PUDP: variants seen among roughly 807,000 people sequenced by gnomAD.
PUDP encodes pseudouridine 5'-phosphatase.
PUDP carries 8 observed loss-of-function variants against 9.4 expected under a neutral mutation model. The observed-to-expected ratio is 0.85, with a 90% CI of 0.50 to 1.53. PUDP has a LOEUF of 1.53. PUDP is among the 40% of genes most tolerant of loss of function. The pLI, the probability that PUDP is intolerant of heterozygous loss-of-function variation, is 0.00. For missense variants in PUDP, 188 were observed against 189.7 expected (o/e 0.99, Z 0.05); for synonymous variants, 99 against 80.7 (o/e 1.23, Z -1.22).
chrX:7,020,782 T>A (rs1229275188), intron 1 of PUDP, among the ~76,000 whole-genome samples: 1 of 112,869 alleles, frequency 8.9e-6, no homozygotes, highest in East Asian at 2.8e-4. Flanking sequence ...AACATCAGCC[T>A]CATGGCTGGC....
At chrX:6,853,453 G>GTT (rs72551708) in intron 3 of PUDP, among the ~76,000 whole-genome samples, 2,177 of 99,722 alleles carry the variant, frequency 0.022, 60 homozygotes, top group African/African-American at 0.072. Flanking sequence ...TTTTGTGTGT[G>GTT]TTTTTTTTTT....
At chrX:6,989,463 C>A in intron 1 of PUDP, 1 of 161,455 alleles carries the variant, frequency 6.2e-6, no homozygotes, top group South Asian at 1.3e-4. Flanking sequence ...TCTTCGCTGT[C>A]AAGCAACTGG....
intron 1 of PUDP, among the ~76,000 whole-genome samples, chrX:7,106,299 C>T (rs2146898961): frequency 8.9e-6 from 1 of 112,126 alleles, no homozygotes; most frequent in Non-Finnish European, 1.9e-5. Flanking sequence ...CCATGCCTGG[C>T]CAGGATGCTG....
intron 1 of PUDP, among the ~76,000 whole-genome samples, chrX:7,004,469 A>G (rs750800455): frequency 5.1e-4 from 57 of 111,940 alleles, no homozygotes; most frequent in Admixed American, 4.9e-3. Context: ...CGTGGCTTAC[A>G]AAGACTGATA....
chrX:6,733,770 C>CTT (rs3046297), intron 3 of PUDP, among the ~76,000 whole-genome samples: 735 of 46,193 alleles, frequency 0.016, 31 homozygotes, highest in African/African-American at 0.038. Flanking sequence ...AAAGCAAAGC[C>CTT]TTTTTTTTTT....
intron 3 of PUDP, among the ~76,000 whole-genome samples, chrX:6,764,206 T>C (rs1381970600): frequency 2.7e-5 from 3 of 111,518 alleles, no homozygotes; most frequent in Non-Finnish European, 5.6e-5. Context: ...GAGAATCAGA[T>C]TGATGGGACT....
intron 3 of PUDP, among the ~76,000 whole-genome samples, chrX:6,841,295 T>G: frequency 9.2e-6 from 1 of 108,253 alleles, no homozygotes; most frequent in South Asian, 4.1e-4. Context: ...AAAATGCATT[T>G]GAATAAAATA....
At chrX:6,749,409 TGATTTGAA>T (rs1569091440) in intron 3 of PUDP, among the ~76,000 whole-genome samples, 1 of 111,181 alleles carries the variant, frequency 9.0e-6, no homozygotes, top group South Asian at 3.9e-4. Context: ...GGGACTGAGC[TGATTTGAA>T]GAAAGAAGAA....
chrX:6,957,242 C>T (rs776210967), intron 3 of PUDP, among the ~76,000 whole-genome samples: 2 of 110,859 alleles, frequency 1.8e-5, no homozygotes, highest in Non-Finnish European at 3.8e-5. Flanking sequence ...CCTGGAAGTT[C>T]AGGCATTGGA....
At chrX:6,720,262 A>G (rs866454311) in intron 1 of PUDP, among the ~76,000 whole-genome samples, 47 of 79,866 alleles carry the variant, frequency 5.9e-4, no homozygotes, top group African/African-American at 2.3e-3. Context: ...GTGTGTGTAT[A>G]TATATATATA....
chrX:6,847,220 C>T (rs1360990845), intron 3 of PUDP, among the ~76,000 whole-genome samples: 2 of 111,121 alleles, frequency 1.8e-5, no homozygotes, highest in Non-Finnish European at 3.8e-5. Context: ...GGCAGGTTGT[C>T]AGGAATTGAC....
At chrX:6,920,333 T>A (rs1928003068) in intron 3 of PUDP, among the ~76,000 whole-genome samples, 1 of 111,245 alleles carries the variant, frequency 9.0e-6, no homozygotes, top group South Asian at 3.8e-4. Context: ...CTGATCCTCA[T>A]CTCTCACTCT....
At chrX:6,752,150 C>T (rs1925100918) in intron 3 of PUDP, among the ~76,000 whole-genome samples, 1 of 111,673 alleles carries the variant, frequency 9.0e-6, no homozygotes, top group Non-Finnish European at 1.9e-5. Flanking sequence ...CATTTAAACC[C>T]CATATCACTT....
chrX:6,785,617 A>AC (rs112379099), intron 3 of PUDP, among the ~76,000 whole-genome samples: 14 of 110,288 alleles, frequency 1.3e-4, no homozygotes, highest in African/African-American at 4.6e-4. Context: ...AAAAAAAAAA[A>AC]CACTTTAATT....
chrX:7,146,745 T>G (rs1932867757), intron 1 of PUDP, among the ~76,000 whole-genome samples: 1 of 111,151 alleles, frequency 9.0e-6, no homozygotes, highest in Non-Finnish European at 1.9e-5. Flanking sequence ...TCATTTATAT[T>G]TAGAACTGGA....
chrX:7,066,406 A>G (rs935054065), intron 3 of PUDP, among the ~76,000 whole-genome samples: 1 of 111,103 alleles, frequency 9.0e-6, no homozygotes, highest in South Asian at 3.9e-4. Context: ...GTAGAGGACA[A>G]TTTTTCCTAG....
chrX:7,012,189 T>C (rs1929486377), intron 1 of PUDP, among the ~76,000 whole-genome samples: 1 of 112,024 alleles, frequency 8.9e-6, no homozygotes, highest in African/African-American at 3.3e-5. Flanking sequence ...GTTTCCTTTG[T>C]GAGAAAATGG....
chrX:6,772,697 G>A (rs374069318), intron 3 of PUDP, among the ~76,000 whole-genome samples: 6 of 108,782 alleles, frequency 5.5e-5, no homozygotes, highest in African/African-American at 2.0e-4. Flanking sequence ...TTGGGAGGCC[G>A]AGGTGGGTAG....
At chrX:7,007,497 C>T (rs1414264623) in intron 1 of PUDP, among the ~76,000 whole-genome samples, 2 of 112,685 alleles carry the variant, frequency 1.8e-5, no homozygotes, top group African/African-American at 6.5e-5. Flanking sequence ...GTCTGACACA[C>T]ACACAGAGTG....
Sources: allele counts gnomAD v4.1 joint callset (sites outside exome capture counted in the v4.1 genomes callset), GRCh38; gene constraint gnomAD v4.1.1; transcripts MANE v1.5; gene names NCBI Gene and HGNC (gene_info 2026-07-23, HGNC 2026-07-21).